HDAC9: variants seen among roughly 807,000 people sequenced by gnomAD.
The protein encoded by HDAC9 is MEF-2 interacting transcription repressor (MITR) protein.
In HDAC9, 41 loss-of-function variants were observed where a neutral mutation model predicts 139.4. The observed-to-expected ratio is 0.29, with a 90% confidence interval of 0.23 to 0.38. HDAC9 has a LOEUF of 0.38. Ranked by LOEUF, HDAC9 falls within the 10% of genes least tolerant of loss-of-function variation. The probability of loss-of-function intolerance (pLI) is 1.00; values close to 1 mark genes in which losing one functional copy is unlikely to be tolerated. For missense variants in HDAC9, 1,147 were observed against 1,297.0 expected (o/e 0.88, Z 1.78); for synonymous variants, 517 against 476.2 (o/e 1.09, Z -1.12).
intron 21 of HDAC9, among the ~76,000 whole-genome samples, chr7:18,873,943 G>A (rs572474189): frequency 3.9e-5 from 6 of 151,966 alleles, no homozygotes; most frequent in Non-Finnish European, 8.8e-5. Flanking sequence ...TCTATTAAGG[G>A]AACTTTGTGT....
chr7:18,108,740 G>C (rs752900465), intron 1 of HDAC9, among the ~76,000 whole-genome samples: 7 of 150,906 alleles, frequency 4.6e-5, no homozygotes, highest in Non-Finnish European at 8.8e-5. Flanking sequence ...TCCTGCCTCA[G>C]CTTCCTGAGT....
At chr7:18,586,086 G>T (rs990197416) in intron 3 of HDAC9, among the ~76,000 whole-genome samples, 3 of 152,138 alleles carry the variant, frequency 2.0e-5, no homozygotes, top group African/African-American at 7.2e-5. Flanking sequence ...TGGTGCAAAT[G>T]TTTTTATAGA....
chr7:18,764,173 TC>T (rs1789627013), intron 15 of HDAC9, among the ~76,000 whole-genome samples: 1 of 152,160 alleles, frequency 6.6e-6, no homozygotes, highest in Non-Finnish European at 1.5e-5. Flanking sequence ...AAGGTTCTTT[TC>T]ATGTATGTAT....
At position 18,243,641 on chromosome 7, in the gene HDAC9, C is replaced by G. The variant is rs75655409; in HGVS notation, c.25+81292C>G. On this transcript the variant is annotated intron_variant, in intron 2 of 12. Coordinates refer to the HDAC9 transcript ENST00000417496. ...GTAAGATTGGGGAAGAAAACGTGGA[C>G]CTAGGCTAAGATCATCTCCTCTCCC... 5.9e-3 allele frequency among the ~76,000 whole-genome samples: 903 copies of G among 152,288 alleles called. 7 individuals carry two copies. The highest frequency in any genetic ancestry group is 8.6e-3 in the Non-Finnish European group (585 of 68,030).
rs1432334845 is a variant in HDAC9 at position 18,648,052 on chromosome 7, G to C, written c.1249+54G>C. 3.0e-6 allele frequency: 4 copies of C among 1,353,462 alleles called. No individual in the cohort carries two copies. In the African/African-American group the frequency reaches 5.8e-5, roughly 20 times the overall value. 83.8% of individuals were successfully genotyped at this position (1,353,462 alleles called of 1,614,324 possible). ...CATTTTAGGGTTTTATTTTATTAGT[G>C]ATCCAGGATAATGTCTCTTTTACTC... is the stretch of plus-strand genomic sequence containing the variant. On this transcript the variant is annotated intron_variant, in intron 10 of 25. Coordinates refer to ENST00000686413, the MANE Select transcript of HDAC9 (RefSeq NM_178425.4).
At chr7:18,250,348 A>G (rs1794840360) in intron 2 of HDAC9, among the ~76,000 whole-genome samples, 1 of 152,222 alleles carries the variant, frequency 6.6e-6, no homozygotes, top group Non-Finnish European at 1.5e-5. Flanking sequence ...TGTTCTTTCC[A>G]GTACAGTATG....
At chr7:18,274,992 C>T (rs927169154) in intron 2 of HDAC9, among the ~76,000 whole-genome samples, 1 of 152,052 alleles carries the variant, frequency 6.6e-6, no homozygotes, top group Non-Finnish European at 1.5e-5. Context: ...TGACAGTAGC[C>T]CCAAATTTGT....
chr7:18,091,808 G>A (rs1268251273), intron 1 of HDAC9, among the ~76,000 whole-genome samples: 2 of 152,198 alleles, frequency 1.3e-5, no homozygotes, highest in Non-Finnish European at 2.9e-5. Context: ...CATAGTGGCT[G>A]TAGGACTGAG....
intron 21 of HDAC9, among the ~76,000 whole-genome samples, chr7:18,843,879 T>C (rs1796743014): frequency 6.6e-6 from 1 of 152,164 alleles, no homozygotes; most frequent in African/African-American, 2.4e-5. Context: ...CTTTCCCACG[T>C]GGAGGAATCA....
At chr7:18,544,535 A>G (rs554379818) in intron 2 of HDAC9, among the ~76,000 whole-genome samples, 1 of 152,334 alleles carries the variant, frequency 6.6e-6, no homozygotes, top group South Asian at 2.1e-4. Flanking sequence ...ACTTAAAGTT[A>G]TGATGCTGAC....
chr7:18,864,015 C>A (rs962538808), intron 21 of HDAC9, among the ~76,000 whole-genome samples: 1 of 152,268 alleles, frequency 6.6e-6, no homozygotes, highest in African/African-American at 2.4e-5. Flanking sequence ...GATCATATGG[C>A]ATTTGTATTA....
chr7:18,521,714 A>T (rs1458168945), intron 2 of HDAC9, among the ~76,000 whole-genome samples: 1 of 152,216 alleles, frequency 6.6e-6, no homozygotes, highest in East Asian at 1.9e-4. Context: ...ACAACAGTCT[A>T]GGATTTCCAG....
rs199724075 is a variant in HDAC9 at position 18,394,137 on chromosome 7, G to GTCCA, written c.-41-102124_-41-102121dup. 4.8e-3 allele frequency among the ~76,000 whole-genome samples: 723 copies of GTCCA among 152,128 alleles called. 6 individuals carry two copies. The highest frequency in any genetic ancestry group is 0.015 in the African/African-American group (642 of 41,508). ...CTGTGTACCTTAGTCTTTAAATAAT[G>GTCCA]TCCACTTAGCATTTCTACAAGGGGC... On this transcript the variant is annotated intron_variant, in intron 1 of 3. Coordinates refer to the HDAC9 transcript ENST00000413509.
chr7:18,233,581 C>A (rs1185651731), intron 2 of HDAC9, among the ~76,000 whole-genome samples: 3 of 152,096 alleles, frequency 2.0e-5, no homozygotes, highest in Non-Finnish European at 4.4e-5. Flanking sequence ...AAGGATTTGA[C>A]AGCTAATTTA....
chr7:18,314,002 A>C (rs1799479031), intron 1 of HDAC9, among the ~76,000 whole-genome samples: 1 of 152,214 alleles, frequency 6.6e-6, no homozygotes, highest in Admixed American at 6.5e-5. Context: ...ATCTAAGTGG[A>C]CAGAATCAAT....
chr7:18,729,629 T>G (rs1785859252), intron 13 of HDAC9, among the ~76,000 whole-genome samples: 1 of 152,284 alleles, frequency 6.6e-6, no homozygotes, highest in South Asian at 2.1e-4. Flanking sequence ...CAGGACATAA[T>G]CCTACCCTGA....
chr7:18,263,654 G>C (rs1795820139), intron 2 of HDAC9, among the ~76,000 whole-genome samples: 1 of 150,908 alleles, frequency 6.6e-6, no homozygotes, highest in Non-Finnish European at 1.5e-5. Context: ...TGTCACCTAG[G>C]CTGGAGTGCA....
chr7:18,991,323 C>T lies in HDAC9; in HGVS notation c.3171-4700C>T, dbSNP rs1031082055. On this transcript the variant is annotated intron_variant, in intron 25 of 25. Coordinates refer to ENST00000686413, the MANE Select transcript of HDAC9 (RefSeq NM_178425.4). ...TATATGAATTAGTTATATATAAAAT[C>T]AGTTTGTGAATACTGGAAAGATAAA... Among the ~76,000 whole-genome samples, 5 of 152,156 alleles carry T rather than the reference C, an allele frequency of 3.3e-5. 1 individual carries two copies. Among genetic ancestry groups the T allele is most frequent in the Admixed American group, 3.3e-4 (5 of 15,270 alleles).
At chr7:18,274,854 C>T (rs1796616770) in intron 2 of HDAC9, among the ~76,000 whole-genome samples, 1 of 152,118 alleles carries the variant, frequency 6.6e-6, no homozygotes, top group Admixed American at 6.5e-5. Flanking sequence ...AAATAAAACA[C>T]AAAGACATGC....
Sources: allele counts gnomAD v4.1 joint callset (sites outside exome capture counted in the v4.1 genomes callset), GRCh38; gene constraint gnomAD v4.1.1; transcripts MANE v1.5; gene names NCBI Gene and HGNC (gene_info 2026-07-23, HGNC 2026-07-21).